The following COL17A1 variants were observed in gnomAD, a reference collection of about 807,000 sequenced individuals.
The protein encoded by COL17A1 is collagen alpha-1(XVII) chain.
Under a neutral mutation model 218.4 loss-of-function variants are expected in COL17A1, and 181 were observed. The observed-to-expected ratio is 0.83, with a 90% CI of 0.73 to 0.94. The LOEUF (loss-of-function observed/expected upper bound fraction) is 0.94. Ranked by LOEUF, COL17A1 falls within the 40% of genes least tolerant of loss-of-function variation. The pLI is 0.00. For missense variants in COL17A1, 1,924 were observed against 1,945.9 expected, an observed-to-expected ratio of 0.99 and a Z score of 0.21; for synonymous variants, 721 against 731.0, an observed-to-expected ratio of 0.99 and a Z score of 0.22.
chr10:104,077,490 G>A lies in COL17A1; in HGVS notation c.134C>T (p.Ser45Phe), dbSNP rs781524207. The change falls in exon 4 of 56, where the codon TCT becomes TTT. Residue 45 changes from serine (S) to phenylalanine (F), a missense_variant. Transcript: ENST00000648076. ...GTSNGYAKTA[S>F]LGGGSRLEKQ... ...CTCCAGCCGGCTCCCTCCACCAAGA[G>A]AGGCTGTTTTAGCATAGCCATTGCT... 6.2e-7 allele frequency: 1 copy of A among 1,613,488 alleles called. No individual in the cohort carries two copies. Among genetic ancestry groups the A allele is most frequent in the African/African-American group, 1.3e-5 (1 of 75,018 alleles).
In COL17A1 at chr10:104,052,430, A is replaced by G. The variant is rs114053066; in HGVS notation, c.1940-213T>C. Among the ~76,000 whole-genome samples, 494 of 152,294 alleles carry G rather than the reference A, an allele frequency of 3.2e-3. 4 individuals are homozygous for G. Among genetic ancestry groups the G allele is most frequent in the African/African-American group, 0.012 (481 of 41,566 alleles). On this transcript the variant is annotated intron_variant, in intron 23 of 55. Coordinates refer to ENST00000648076, the MANE Select transcript of COL17A1 (RefSeq NM_000494.4). ...GAGTTTGACACCTAGTAGGCACTCAATAAATTTTATTGTCTGGTTGAGCAA... is the reference window on the plus strand; with the variant it reads ...GAGTTTGACACCTAGTAGGCACTCAGTAAATTTTATTGTCTGGTTGAGCAA...
chr10:104,066,715 C>A (rs767342744), intron 9 of COL17A1, among the ~76,000 whole-genome samples: 1 of 152,190 alleles, frequency 6.6e-6, no homozygotes, highest in Non-Finnish European at 1.5e-5. Flanking sequence ...GAAGAGGAAT[C>A]TGGGGATCAT....
chr10:104,067,334 TA>T (rs58260510), intron 9 of COL17A1, among the ~76,000 whole-genome samples: 3,491 of 110,294 alleles, frequency 0.032, 68 homozygotes, highest in East Asian at 0.11. Context: ...GGCTCAGGAA[TA>T]AAAAAAAAAA....
At position 104,039,595 on chromosome 10, in the gene COL17A1, G is replaced by A. The variant is rs1564673180; in HGVS notation, c.2821+13C>T. On this transcript the variant is annotated intron_variant, in intron 42 of 55. Coordinates refer to ENST00000648076, the MANE Select transcript of COL17A1 (RefSeq NM_000494.4). ...CTGGCCAGAGCCAGAATGGGGCGGGGTTCAGCCCTTACCTGAGGTTGAGAA... is the reference window on the plus strand; with the variant it reads ...CTGGCCAGAGCCAGAATGGGGCGGGATTCAGCCCTTACCTGAGGTTGAGAA... The A allele has an allele frequency of 1.2e-6, 2 of 1,614,180 alleles. No homozygotes were observed. The highest frequency in any genetic ancestry group is 4.5e-5 in the East Asian group (2 of 44,874).
chr10:104,038,447 G>C lies in COL17A1; in HGVS notation c.3029C>G (p.Ser1010Cys), dbSNP rs201916973. The change falls in exon 45 of 56, where the codon TCT (serine) becomes TGT (cysteine). Residue 1010 changes from serine (S) to cysteine (C), a missense_variant. Transcript: ENST00000648076. ...GATGTACTGCTGAATCTCCTGGCCAGAGCTGCTGATAGAGCCCGGAGGCCC... is the reference window on the plus strand; with the variant it reads ...GATGTACTGCTGAATCTCCTGGCCACAGCTGCTGATAGAGCCCGGAGGCCC... ...PPGPPGSISSSGQEIQQYISE... is the reference protein window; with the variant it reads ...PPGPPGSISSCGQEIQQYISE... The C allele has an allele frequency of 5.6e-6, 9 of 1,613,966 alleles. No homozygotes were observed. Among genetic ancestry groups the C allele is most frequent in the South Asian group, 2.2e-5 (2 of 91,078 alleles).
chr10:104,062,609 C>T (rs1434393288), intron 11 of COL17A1, among the ~76,000 whole-genome samples: 1 of 152,196 alleles, frequency 6.6e-6, no homozygotes, highest in East Asian at 1.9e-4. Context: ...ATGTTGCTGA[C>T]AGATCTCTCA....
intron 11 of COL17A1, 122 bp from the exon 12 acceptor site, chr10:104,062,451 C>T: frequency 7.5e-7 from 1 of 1,330,196 alleles, no homozygotes; most frequent in Non-Finnish European, 1.1e-6. Flanking sequence ...GATTCCCAAA[C>T]TTCCTCGGTT....
intron 6 of COL17A1, 84 bp from the exon 7 acceptor site, chr10:104,073,329 G>T: frequency 8.0e-7 from 1 of 1,252,632 alleles, no homozygotes. Flanking sequence ...ATATATTTGG[G>T]GAGGGGTTAC....
Position 104,074,245 on chromosome 10 carries a change from G to T in COL17A1, c.332-14C>A. 6.2e-7 allele frequency: 1 copy of T among 1,614,186 alleles called. No homozygotes were observed. Among genetic ancestry groups the T allele is most frequent in the Non-Finnish European group, 8.5e-7 (1 of 1,180,010 alleles). On this transcript the variant is annotated splice_polypyrimidine_tract_variant and intron_variant, in intron 5 of 55. Transcript: ENST00000648076. ...CACTGGAGCTCCCTGGAGAGGGGAT[G>T]AAACACTTAGAACAAATGGCCTCTT... is the stretch of plus-strand genomic sequence containing the variant.
At chr10:104,051,322 C>T (rs1219470856) in intron 25 of COL17A1, among the ~76,000 whole-genome samples, 159 bp downstream of exon 25, 1 of 152,234 alleles carries the variant, frequency 6.6e-6, no homozygotes, top group Admixed American at 6.5e-5. Flanking sequence ...GGGAGCCCAA[C>T]CTCTGCCACA....
intron 32 of COL17A1, 89 bp from the exon 33 acceptor site, chr10:104,045,882 A>C: frequency 9.6e-7 from 1 of 1,043,936 alleles, no homozygotes. Context: ...GTCACTCAGC[A>C]CAGCCACACT....
Position 104,048,041 on chromosome 10 carries a change from GGCTGGGGGCA to G in COL17A1, c.2263+18_2263+27del, listed in dbSNP as rs2086430152. On this transcript the variant is annotated intron_variant, in intron 30 of 55. Coordinates refer to ENST00000648076, the MANE Select transcript of COL17A1 (RefSeq NM_000494.4). ...GGAACAGGGGCTGTGACGGGAGTGA[GGCTGGGGGCA>G]GCAGATGAGTGACCAACCTCTTGGG... The G allele has an allele frequency of 6.2e-7, 1 of 1,614,080 alleles. No homozygotes were observed. Among genetic ancestry groups the G allele is most frequent in the Non-Finnish European group, 8.5e-7 (1 of 1,179,926 alleles).
In COL17A1 at chr10:104,047,725, T is replaced by A. The variant is rs997189110; in HGVS notation, c.2335+14A>T. ...ACTAAGCAGGGCCATGGCTCCCTCT[T>A]CCTGCTCTGTTACCTGGCTTTCCTG... is the stretch of plus-strand genomic sequence containing the variant. On this transcript the variant is annotated intron_variant, in intron 31 of 55. Coordinates refer to ENST00000648076, the MANE Select transcript of COL17A1 (RefSeq NM_000494.4). 2 of 1,611,192 alleles carry A rather than the reference T, an allele frequency of 1.2e-6. No individual in the cohort carries two copies. Among genetic ancestry groups the A allele is most frequent in the East Asian group, 4.5e-5 (2 of 44,860 alleles).
At chr10:104,061,540 G>A in intron 12 of COL17A1, 67 bp from the exon 13 acceptor site, 1 of 1,403,262 alleles carries the variant, frequency 7.1e-7, no homozygotes, top group East Asian at 2.4e-5. Context: ...AGCCTGATCA[G>A]CCCTGGCAGA....
In COL17A1 at chr10:104,041,099, T is replaced by G; in HGVS notation, c.2667A>C (p.Pro889=). 1 of 1,613,016 alleles carries G rather than the reference T, an allele frequency of 6.2e-7. No individual in the cohort carries two copies. Among genetic ancestry groups the G allele is most frequent in the South Asian group, 1.1e-5 (1 of 91,014 alleles). The part of the protein sequence containing the change: ...RGPPGEGLPG[P]PGPPGSFLSN... The stretch of plus-strand genomic sequence containing the variant: ...ACAGGAACGATCCTGGTGGGCCTGG[T>G]GGGCCTGGCAAACCCTCCCCTAGGA... Residue 889 remains proline, a synonymous_variant, in exon 39 of 56, where the codon CCA becomes CCC. Coordinates refer to ENST00000648076, the MANE Select transcript of COL17A1 (RefSeq NM_000494.4).
intron 22 of COL17A1, 136 bp downstream of exon 22, chr10:104,053,784 G>T: frequency 1.4e-6 from 1 of 706,876 alleles, no homozygotes. Flanking sequence ...CACAACAGCA[G>T]GGTTTCTCTG....
intron 50 of COL17A1, among the ~76,000 whole-genome samples, chr10:104,035,054 G>A (rs1342395500): frequency 1.3e-5 from 2 of 152,286 alleles, no homozygotes; most frequent in South Asian, 4.1e-4. Context: ...ATCACACACC[G>A]GGCTGCGCCT....
At chr10:104,046,553 G>C (rs149313601) in intron 32 of COL17A1, among the ~76,000 whole-genome samples, 194 bp downstream of exon 32, 4 of 152,202 alleles carry the variant, frequency 2.6e-5, no homozygotes, top group African/African-American at 7.2e-5. Flanking sequence ...ATTTCTACTC[G>C]AATGGTGTTC....
intron 29 of COL17A1, 90 bp downstream of exon 29, chr10:104,049,319 G>C: frequency 8.4e-7 from 1 of 1,193,114 alleles, no homozygotes; most frequent in Non-Finnish European, 1.3e-6. Flanking sequence ...TAGAGAGTAG[G>C]AGAGGCAGCT....
Sources: allele counts gnomAD v4.1 joint callset (sites outside exome capture counted in the v4.1 genomes callset), GRCh38; gene constraint gnomAD v4.1.1; transcripts MANE v1.5; gene names NCBI Gene and HGNC (gene_info 2026-07-23, HGNC 2026-07-21).